The following MPI variants were observed in gnomAD, a reference collection of about 807,000 sequenced individuals.
The protein encoded by MPI is mannose phosphate isomerase.
A neutral mutation model predicts 40.1 loss-of-function variants in MPI; 33 were observed. That is an observed-to-expected ratio of 0.82 (90% CI 0.62 to 1.10). The LOEUF is 1.10. MPI is among the 50% of genes least tolerant of loss of function. The pLI, the probability that MPI is intolerant of heterozygous loss-of-function variation, is 0.00. For missense variants in MPI, 514 were observed against 524.1 expected (o/e 0.98, Z 0.19); for synonymous variants, 187 against 207.4 (o/e 0.90, Z 0.85).
At chr15:74,894,504 A>C (rs572237053) in intron 5 of MPI, among the ~76,000 whole-genome samples, 1 of 151,998 alleles carries the variant, frequency 6.6e-6, no homozygotes, top group Non-Finnish European at 1.5e-5. Context: ...AGCCTGGCCA[A>C]CATGGTGGAA....
Position 74,896,204 on chromosome 15 carries a change from G to A in MPI, c.723G>A (p.Leu241=), listed in dbSNP as rs965973212. The A allele has an allele frequency of 1.9e-6, 3 of 1,614,082 alleles. No homozygotes were observed. In the African/African-American group the frequency reaches 4.0e-5, roughly 22 times the overall value. ...TCTTTGGGGAGCTTTTGCTACAGCT[G>A]CACCAGCAGTACCCAGGTGATATCG... ...EDIFGELLLQ[L]HQQYPGDIGC... Residue 241 remains leucine, a synonymous_variant, in exon 6 of 8, where the codon CTG becomes CTA. Transcript: ENST00000352410.
intron 5 of MPI, among the ~76,000 whole-genome samples, chr15:74,894,036 TTCA>T (rs2064767085): frequency 1.4e-4 from 13 of 90,858 alleles, no homozygotes; most frequent in Admixed American, 5.3e-4. Flanking sequence ...TTTTTTTCTG[TTCA>T]GTGTGTGTGT....
intron 5 of MPI, chr15:74,895,315 G>A (rs984523139): frequency 1.3e-5 from 2 of 151,116 alleles, no homozygotes; most frequent in Admixed American, 6.6e-5. Flanking sequence ...GAAAGTCGCC[G>A]GGTGCGGTGG....
chr15:74,895,129 C>CTTTTTTTT (rs71140110), intron 5 of MPI, among the ~76,000 whole-genome samples: 3 of 110,564 alleles, frequency 2.7e-5, no homozygotes, highest in Non-Finnish European at 5.6e-5. Flanking sequence ...CCACACCTGG[C>CTTTTTTTT]TTTTTTTTTT....
intron 5 of MPI, chr15:74,895,857 G>A (rs1378447628): frequency 2.0e-5 from 9 of 439,856 alleles, no homozygotes; most frequent in South Asian, 9.2e-5. Context: ...TGTCAGTAGC[G>A]CCAAGGCTGA....
Position 74,896,173 on chromosome 15 carries a change from A to G in MPI, c.692A>G (p.Glu231Gly). The G allele has an allele frequency of 6.2e-7, 1 of 1,614,138 alleles. No individual in the cohort carries two copies. The highest frequency in any genetic ancestry group is 8.5e-7 in the Non-Finnish European group (1 of 1,180,032). Reference sequence around the variant, plus strand: ...TCAGCGGCTGCCGGAAACAACATGGAGGACATCTTTGGGGAGCTTTTGCTA... The same window carrying G: ...TCAGCGGCTGCCGGAAACAACATGGGGGACATCTTTGGGGAGCTTTTGCTA... Reference protein sequence around the residue: ...SQQAAAGNNMEDIFGELLLQL... With the variant: ...SQQAAAGNNMGDIFGELLLQL... Residue 231 changes from glutamate (E) to glycine (G), a missense_variant, in exon 6 of 8, where the codon GAG becomes GGG. Physicochemically the swap from Glu to Gly is moderately conservative, Grantham distance 98. Coordinates refer to ENST00000352410, the MANE Select transcript of MPI (RefSeq NM_002435.3).
chr15:74,895,578 G>GCCGTATCATTAAA, intron 5 of MPI: 1 of 146,728 alleles, frequency 6.8e-6, no homozygotes, highest in Admixed American at 6.9e-5. Context: ...GGGTGACAGC[G>GCCGTATCATTAAA]AGACCCCGTC....
rs776129095 is a variant in MPI at position 74,896,178 on chromosome 15, A to G, written c.697A>G (p.Ile233Val). ...GGCTGCCGGAAACAACATGGAGGACATCTTTGGGGAGCTTTTGCTACAGCT... is the reference window on the plus strand; with the variant it reads ...GGCTGCCGGAAACAACATGGAGGACGTCTTTGGGGAGCTTTTGCTACAGCT... ...QAAAGNNMED[I>V]FGELLLQLHQ... is the part of the protein sequence containing the mutation. The change falls in exon 6 of 8, where the codon ATC becomes GTC. Residue 233 changes from isoleucine (I) to valine (V), a missense_variant. Physicochemically the swap from Ile to Val is conservative, Grantham distance 29 (BLOSUM62 3). Transcript: ENST00000352410. 1 of 1,614,142 alleles carries G rather than the reference A, an allele frequency of 6.2e-7. No homozygotes were observed. Among genetic ancestry groups the G allele is most frequent in the Non-Finnish European group, 8.5e-7 (1 of 1,180,032 alleles).
rs2064944564 is a variant in MPI at position 74,901,243 on chromosome 15, G to C, written c.*3513G>C. 1 of 152,370 alleles carries C rather than the reference G, an allele frequency of 6.6e-6. No individual in the cohort carries two copies. The highest frequency in any genetic ancestry group is 1.5e-5 in the Non-Finnish European group (1 of 68,208). 9.4% of individuals were successfully genotyped at this position (152,370 alleles called of 1,614,324 possible). A position where few individuals can be genotyped will look rare whatever the true frequency, so the allele number is the denominator to read the frequency against. ...TGATTACACCACTGCACTCCAGCCT[G>C]GGTGACAGAGACCCTGTCTCCAACA... On this transcript the variant is annotated 3_prime_UTR_variant, in exon 8 of 8. Coordinates refer to ENST00000352410, the MANE Select transcript of MPI (RefSeq NM_002435.3).
In MPI at chr15:74,891,570, C is replaced by T; in HGVS notation, c.336C>T (p.His112=). ...SVETPLSIQA[H]PNKELAEKLH... ...AAACACCCCTGTCCATCCAGGCACA[C>T]CCTAACAAGGTAAAGGACAGAGTGC... The change falls in exon 3 of 8, where the codon CAC becomes CAT. Residue 112 remains histidine, a synonymous_variant. Coordinates refer to ENST00000352410, the MANE Select transcript of MPI (RefSeq NM_002435.3). The T allele has an allele frequency of 6.2e-7, 1 of 1,614,166 alleles. No individual in the cohort carries two copies. Among genetic ancestry groups the T allele is most frequent in the Non-Finnish European group, 8.5e-7 (1 of 1,180,008 alleles).
At position 74,899,443 on chromosome 15, in the gene MPI, G is replaced by T. The variant is rs1383624673; in HGVS notation, c.*1713G>T. On this transcript the variant is annotated 3_prime_UTR_variant, in exon 8 of 8. Coordinates refer to ENST00000352410, the MANE Select transcript of MPI (RefSeq NM_002435.3). The stretch of plus-strand genomic sequence containing the variant: ...AATAAAGATGAGCTGGAAAGAAAAG[G>T]TCTGCTAAAGGGAACCCATTCTACA... 6.6e-6 allele frequency: 1 copy of T among 152,192 alleles called. No individual in the cohort carries two copies. The highest frequency in any genetic ancestry group is 6.5e-5 in the Admixed American group (1 of 15,276). 9.4% of individuals were successfully genotyped at this position (152,192 alleles called of 1,614,324 possible).
chr15:74,897,139 C>G lies in MPI; in HGVS notation c.973C>G (p.Leu325Val), dbSNP rs1369226974. ...TPSSSKDRLF[L>V]PTRSQEDPYL... ...TAGCTCCAGCAAGGACAGGCTCTTT[C>G]TCCCAACACGGAGTCAGGAAGACCC... Residue 325 changes from leucine (L) to valine (V), a missense_variant, in exon 7 of 8, where the codon CTC becomes GTC. By Grantham distance (32) the Leu-to-Val change is conservative. Coordinates refer to ENST00000352410, the MANE Select transcript of MPI (RefSeq NM_002435.3). The G allele has an allele frequency of 1.9e-6, 3 of 1,614,200 alleles. No homozygotes were observed. Among genetic ancestry groups the G allele is most frequent in the East Asian group, 2.2e-5 (1 of 44,892 alleles).
intron 1 of MPI, 69 bp downstream of exon 1, chr15:74,890,158 A>G: frequency 6.3e-7 from 1 of 1,595,928 alleles, no homozygotes; most frequent in South Asian, 1.1e-5. Context: ...TCCCGGCATT[A>G]TCGGCCAGGT....
Position 74,893,350 on chromosome 15 carries a change from C to A in MPI, c.670+30C>A, listed in dbSNP as rs532538118. 2.5e-6 allele frequency: 4 copies of A among 1,612,284 alleles called. No homozygotes were observed. The Admixed American group carries it at 6.7e-5, about 27-fold the overall frequency. ...ACACAGTTATATTCCTGGTTGGGTGCAATGCTCTGGCCTGGGCTTCCCAGC... is the reference window on the plus strand; with the variant it reads ...ACACAGTTATATTCCTGGTTGGGTGAAATGCTCTGGCCTGGGCTTCCCAGC... On this transcript the variant is annotated intron_variant, in intron 5 of 7. Coordinates refer to ENST00000352410, the MANE Select transcript of MPI (RefSeq NM_002435.3).
intron 6 of MPI, 73 bp from the exon 7 acceptor site, chr15:74,896,938 C>T (rs1182598285): frequency 5.6e-6 from 8 of 1,432,816 alleles, no homozygotes; most frequent in Admixed American, 3.3e-5. Context: ...TCATGGAGCT[C>T]AGGTTAGGAG....
chr15:74,894,093 T>TTTTCTGAGCCAG (rs1567267212), intron 5 of MPI, among the ~76,000 whole-genome samples: 4 of 54,204 alleles, frequency 7.4e-5, no homozygotes, highest in Admixed American at 2.0e-4. Context: ...TGTGTGTGTG[T>TTTTCTGAGCCAG]GTGTGTGTGT....
At chr15:74,891,811 C>T (rs1245748346) in intron 3 of MPI, among the ~76,000 whole-genome samples, 1 of 152,222 alleles carries the variant, frequency 6.6e-6, no homozygotes, top group African/African-American at 2.4e-5. Flanking sequence ...TCTCTAAGCT[C>T]ATTCCAAGGG....
chr15:74,897,886 A>G lies in MPI; in HGVS notation c.*156A>G. 6.8e-6 allele frequency: 5 copies of G among 739,004 alleles called. No individual in the cohort carries two copies. Among genetic ancestry groups the G allele is most frequent in the South Asian group, 6.0e-5 (4 of 67,220 alleles). The allele number at this position is 739,004 out of a possible 1,614,324, so 45.8% of individuals were successfully genotyped here. ...GGGAGGAGGGAGCGTGAAGGTAGTG[A>G]CTCCTGAACACACCCAGGTGGAACC... On this transcript the variant is annotated 3_prime_UTR_variant, in exon 8 of 8. Coordinates refer to ENST00000352410, the MANE Select transcript of MPI (RefSeq NM_002435.3).
In MPI at chr15:74,897,928, G is replaced by A. The variant is rs2064847377; in HGVS notation, c.*198G>A. ...GGTGGAACCATCTTTGGGGAGGAGAGGCCCGTGTGAGGGGTCTGATACTCC... is the reference window on the plus strand; with the variant it reads ...GGTGGAACCATCTTTGGGGAGGAGAAGCCCGTGTGAGGGGTCTGATACTCC... On this transcript the variant is annotated 3_prime_UTR_variant, in exon 8 of 8. Coordinates refer to ENST00000352410, the MANE Select transcript of MPI (RefSeq NM_002435.3). 7.6e-6 allele frequency: 5 copies of A among 657,832 alleles called. No individual in the cohort carries two copies. The Admixed American group carries it at 8.5e-5, about 11-fold the overall frequency. The allele number at this position is 657,832 out of a possible 1,614,324, so 40.7% of individuals were successfully genotyped here. A position where few individuals can be genotyped will look rare whatever the true frequency, so the allele number is the denominator to read the frequency against.
Sources: gnomAD v4.1 joint callset for allele counts (sites outside exome capture counted in the v4.1 genomes callset) on GRCh38, gnomAD v4.1.1 for gene constraint, MANE v1.5 for transcripts, NCBI Gene and HGNC (gene_info 2026-07-23, HGNC 2026-07-21) for gene names.